RABGAP1L: variants seen among roughly 807,000 people sequenced by gnomAD.
The protein encoded by RABGAP1L is RAB GTPase activating protein 1 like, also known as rab GTPase-activating protein 1-like.
In RABGAP1L, 63 loss-of-function variants were observed where a neutral mutation model predicts 137.7. That is an observed-to-expected ratio of 0.46 (90% CI 0.37 to 0.56). The LOEUF is 0.56. Among genes scored for constraint, RABGAP1L ranks in the 20% least tolerant of loss-of-function variants. RABGAP1L has a pLI of 0.00. For missense variants in RABGAP1L, 1,095 were observed against 1,244.0 expected, an observed-to-expected ratio of 0.88 and a Z score of 1.80; for synonymous variants, 431 against 433.7, an observed-to-expected ratio of 0.99 and a Z score of 0.08.
chr1:174,383,381 C>T (rs1331279564), intron 12 of RABGAP1L, among the ~76,000 whole-genome samples: 47 of 151,900 alleles, frequency 3.1e-4, no homozygotes, highest in Non-Finnish European at 5.6e-4. Context: ...GGGCGCCCCT[C>T]CCCCAGCCTC....
chr1:174,920,515 G>T (rs1043523329), intron 19 of RABGAP1L, among the ~76,000 whole-genome samples: 5 of 152,204 alleles, frequency 3.3e-5, no homozygotes, highest in African/African-American at 1.2e-4. Flanking sequence ...AGACTTGGAT[G>T]GGGATGCAGC....
Position 174,493,635 on chromosome 1 carries a change from C to T in RABGAP1L, c.1710+99490C>T, listed in dbSNP as rs116539411. 9.4e-3 allele frequency among the ~76,000 whole-genome samples: 1,428 copies of T among 151,754 alleles called. 24 individuals carry two copies. The highest frequency in any genetic ancestry group is 0.033 in the African/African-American group (1,369 of 41,376). ...AGGAGTTCAAGACCAGCCTGGGCAA[C>T]ATGGCAAAACTTTGTCTCTACTGAA... On this transcript the variant is annotated intron_variant, in intron 13 of 25. Coordinates refer to ENST00000681986, the MANE Select transcript of RABGAP1L (RefSeq NM_001366446.1).
intron 13 of RABGAP1L, among the ~76,000 whole-genome samples, chr1:174,600,714 C>T (rs1333941011): frequency 6.6e-6 from 1 of 152,180 alleles, no homozygotes; most frequent in Non-Finnish European, 1.5e-5. Context: ...GTAGCTCCAC[C>T]CCTGTGGCTT....
At chr1:174,215,446 A>T (rs932214469) in intron 1 of RABGAP1L, among the ~76,000 whole-genome samples, 12 of 151,628 alleles carry the variant, frequency 7.9e-5, no homozygotes, top group Non-Finnish European at 1.6e-4. Context: ...GACAAGAGCG[A>T]AACTCCATCT....
In RABGAP1L at chr1:174,882,970, A is replaced by T. The variant is rs1227937963; in HGVS notation, c.2340+71010A>T. On this transcript the variant is annotated intron_variant, in intron 19 of 25. Coordinates refer to ENST00000681986, the MANE Select transcript of RABGAP1L (RefSeq NM_001366446.1). ...TTTGAGTAACTGGGACTACAGGCAC[A>T]CACCACCATGCCTGGCTAATTTTTG... Among the ~76,000 whole-genome samples the T allele has an allele frequency of 2.6e-5, 4 of 152,220 alleles. No homozygotes were observed. In the East Asian group the frequency reaches 7.8e-4, roughly 30 times the overall value.
chr1:174,783,389 C>A (rs1026371518), intron 18 of RABGAP1L, among the ~76,000 whole-genome samples: 17 of 152,104 alleles, frequency 1.1e-4, no homozygotes, highest in African/African-American at 4.1e-4. Flanking sequence ...GGCTTCCTAC[C>A]ATGTTGGGAG....
At chr1:174,651,458 G>A (rs916643750) in intron 14 of RABGAP1L, among the ~76,000 whole-genome samples, 1 of 152,214 alleles carries the variant, frequency 6.6e-6, no homozygotes, top group South Asian at 2.1e-4. Context: ...CATTATTATT[G>A]TGTGGGAGTC....
intron 13 of RABGAP1L, among the ~76,000 whole-genome samples, chr1:174,546,413 A>G (rs1300642987): frequency 1.3e-5 from 2 of 152,234 alleles, no homozygotes; most frequent in African/African-American, 4.8e-5. Flanking sequence ...AAAATAGACT[A>G]TTAAACCACT....
intron 21 of RABGAP1L, among the ~76,000 whole-genome samples, chr1:174,975,003 TCTC>T (rs1398479974): frequency 6.6e-6 from 1 of 152,220 alleles, no homozygotes; most frequent in Non-Finnish European, 1.5e-5. Flanking sequence ...CATAATCACC[TCTC>T]CTCTGTGTCT....
At chr1:174,359,831 CA>C (rs1683978275) in intron 11 of RABGAP1L, among the ~76,000 whole-genome samples, 1 of 152,270 alleles carries the variant, frequency 6.6e-6, no homozygotes, top group South Asian at 2.1e-4. Flanking sequence ...GTGACTACCT[CA>C]TTAGGTTTTT....
At chr1:174,433,850 T>G (rs999846225) in intron 13 of RABGAP1L, among the ~76,000 whole-genome samples, 18 of 152,194 alleles carry the variant, frequency 1.2e-4, no homozygotes, top group African/African-American at 4.3e-4. Flanking sequence ...CTCAAATAAT[T>G]TAGGGCTCTC....
At chr1:174,569,560 G>A (rs975874471) in intron 13 of RABGAP1L, among the ~76,000 whole-genome samples, 11 of 152,104 alleles carry the variant, frequency 7.2e-5, no homozygotes, top group Admixed American at 5.2e-4. Context: ...CACCTGACAC[G>A]AATCCTTACT....
intron 14 of RABGAP1L, among the ~76,000 whole-genome samples, chr1:174,664,729 G>GTTTTTT (rs1557964009): frequency 1.2e-5 from 1 of 85,598 alleles, no homozygotes; most frequent in African/African-American, 5.9e-5. Flanking sequence ...CTTTCTTTCT[G>GTTTTTT]CTTTCTTTTT....
intron 13 of RABGAP1L, among the ~76,000 whole-genome samples, chr1:174,478,021 G>A (rs1171626811): frequency 4.0e-5 from 6 of 151,772 alleles, no homozygotes; most frequent in African/African-American, 1.5e-4. Context: ...ATATGATTCT[G>A]TGGTTAAAAA....
intron 13 of RABGAP1L, among the ~76,000 whole-genome samples, chr1:174,597,118 T>C (rs999525428): frequency 6.6e-6 from 1 of 152,176 alleles, no homozygotes; most frequent in Non-Finnish European, 1.5e-5. Flanking sequence ...TTTGGTTTGC[T>C]AGTATTTTGT....
intron 13 of RABGAP1L, among the ~76,000 whole-genome samples, chr1:174,609,206 C>T (rs1035943014): frequency 2.0e-5 from 3 of 152,068 alleles, no homozygotes; most frequent in Non-Finnish European, 4.4e-5. Flanking sequence ...CAAGGCCAGA[C>T]AAATACCTGG....
At chr1:174,174,195 T>TACACACACACAC (rs56864336) in intron 1 of RABGAP1L, among the ~76,000 whole-genome samples, 1 of 145,566 alleles carries the variant, frequency 6.9e-6, no homozygotes, top group Non-Finnish European at 1.5e-5. Flanking sequence ...GGAAAAAAAA[T>TACACACACACAC]ACACACACAC....
chr1:174,860,169 G>T (rs1219833788), intron 19 of RABGAP1L, among the ~76,000 whole-genome samples: 1 of 152,046 alleles, frequency 6.6e-6, no homozygotes, highest in African/African-American at 2.4e-5. Context: ...GGTTTGCTCA[G>T]TGTGGACTTT....
chr1:174,383,499 G>GT (rs1215073840), intron 12 of RABGAP1L, among the ~76,000 whole-genome samples: 1 of 152,212 alleles, frequency 6.6e-6, no homozygotes, highest in African/African-American at 2.4e-5. Context: ...GTGGTGCGCC[G>GT]TTTTTTAAGC....
Sources: allele counts gnomAD v4.1 joint callset (sites outside exome capture counted in the v4.1 genomes callset), GRCh38; gene constraint gnomAD v4.1.1; transcripts MANE v1.5; gene names NCBI Gene and HGNC (gene_info 2026-07-23, HGNC 2026-07-21).